Variants in VIPR2 observed in about 807,000 individuals in gnomAD.
The protein encoded by VIPR2 is vasoactive intestinal peptide receptor 2, also known as vasoactive intestinal polypeptide receptor 2.
Under a neutral mutation model 58.0 loss-of-function variants are expected in VIPR2, and 48 were observed. That is an observed-to-expected ratio of 0.83 (90% confidence interval 0.66 to 1.05). The LOEUF (loss-of-function observed/expected upper bound fraction) is 1.05, where lower values mean the gene tolerates loss of function less well. VIPR2 is among the 50% of genes least tolerant of loss of function. The pLI, the probability that VIPR2 is intolerant of heterozygous loss-of-function variation, is 0.00. For missense variants in VIPR2, 534 were observed against 558.0 expected, an observed-to-expected ratio of 0.96 and a Z score of 0.43; for synonymous variants, 243 against 235.2, an observed-to-expected ratio of 1.03 and a Z score of -0.30.
At chr7:159,092,904 C>G (rs1243084084) in intron 4 of VIPR2, among the ~76,000 whole-genome samples, 1 of 152,100 alleles carries the variant, frequency 6.6e-6, no homozygotes, top group Admixed American at 6.5e-5. Context: ...GAGCTGCCAG[C>G]AAGAGCAGCC....
At chr7:159,094,288 C>A (rs991000742) in intron 4 of VIPR2, among the ~76,000 whole-genome samples, 1 of 152,192 alleles carries the variant, frequency 6.6e-6, no homozygotes, top group Admixed American at 6.5e-5. Flanking sequence ...CCCCTTAAAT[C>A]TTGCTGTCTG....
chr7:159,118,194 T>G (rs1257330941), intron 2 of VIPR2, among the ~76,000 whole-genome samples: 2 of 152,130 alleles, frequency 1.3e-5, no homozygotes, highest in Non-Finnish European at 2.9e-5. Flanking sequence ...AGGTGGGTGT[T>G]TAAATACCTT....
At chr7:159,118,447 G>A (rs1300007062) in intron 2 of VIPR2, among the ~76,000 whole-genome samples, 5 of 152,224 alleles carry the variant, frequency 3.3e-5, no homozygotes, top group Non-Finnish European at 7.3e-5. Flanking sequence ...TGATGAGCAA[G>A]ACCAAGGCGG....
intron 3 of VIPR2, among the ~76,000 whole-genome samples, chr7:159,106,625 G>C (rs1172407957): frequency 1.4e-5 from 2 of 141,558 alleles, no homozygotes; most frequent in African/African-American, 2.7e-5. Context: ...GCCGGGAAGG[G>C]GCAGAAAGGC....
At position 159,030,571 on chromosome 7, in the gene VIPR2, C is replaced by A; in HGVS notation, c.*45G>T. The A allele has an allele frequency of 6.7e-7, 1 of 1,493,266 alleles. No homozygotes were observed. Among genetic ancestry groups the A allele is most frequent in the Admixed American group, 2.2e-5 (1 of 45,876 alleles). The allele number at this position is 1,493,266 out of a possible 1,614,324, so 92.5% of individuals were successfully genotyped here. On this transcript the variant is annotated 3_prime_UTR_variant, in exon 13 of 13. Coordinates refer to ENST00000262178, the MANE Select transcript of VIPR2 (RefSeq NM_003382.5). The stretch of plus-strand genomic sequence containing the variant: ...GCCGGCGTCTCAGCCCCGCAGAAGC[C>A]CCGAACCGTGGGCCTCCCGCCGCGT...
rs186693058 is a variant in VIPR2, at chr7:159,056,226, C to A, written c.455+2255G>T. Among the ~76,000 whole-genome samples, 433 of 152,108 alleles carry A rather than the reference C, an allele frequency of 2.8e-3. 3 individuals carry two copies. Among genetic ancestry groups the A allele is most frequent in the African/African-American group, 1.0e-2 (413 of 41,490 alleles). On this transcript the variant is annotated intron_variant, in intron 5 of 12. Transcript: ENST00000262178. ...CCACAGGGGATTGGGTCCAATCCCC[C>A]TCCCCCAATCTTGCCCCCCTTACCC...
chr7:159,046,743 A>T (rs1854675265), intron 5 of VIPR2, among the ~76,000 whole-genome samples: 1 of 152,224 alleles, frequency 6.6e-6, no homozygotes, highest in African/African-American at 2.4e-5. Flanking sequence ...TTTTTAAACA[A>T]TTATGGCCAG....
At chr7:159,132,075 T>C (rs557637859) in intron 2 of VIPR2, among the ~76,000 whole-genome samples, 2 of 151,648 alleles carry the variant, frequency 1.3e-5, no homozygotes, top group Admixed American at 1.3e-4. Context: ...CCCCCTCACA[T>C]TCCTTCAGGG....
intron 3 of VIPR2, among the ~76,000 whole-genome samples, chr7:159,104,359 G>A (rs1563331212): frequency 1.4e-5 from 2 of 138,100 alleles, no homozygotes; most frequent in African/African-American, 5.6e-5. Flanking sequence ...CACTGACGGT[G>A]ACCAGATGCC....
chr7:159,122,019 A>G (rs962242111), intron 2 of VIPR2, among the ~76,000 whole-genome samples: 6 of 152,242 alleles, frequency 3.9e-5, no homozygotes, highest in Non-Finnish European at 8.8e-5. Context: ...GTTGAACCAG[A>G]GCTTACACCA....
At chr7:159,122,663 A>G (rs1796498601) in intron 2 of VIPR2, among the ~76,000 whole-genome samples, 1 of 152,188 alleles carries the variant, frequency 6.6e-6, no homozygotes, top group Admixed American at 6.5e-5. Context: ...CTCTGGAAAG[A>G]CAGCTGCTGA....
chr7:159,062,080 C>T, intron 4 of VIPR2, among the ~76,000 whole-genome samples: 1 of 152,194 alleles, frequency 6.6e-6, no homozygotes, highest in East Asian at 1.9e-4. Flanking sequence ...GGCGGTGTGG[C>T]CATGGGGCGC....
intron 3 of VIPR2, among the ~76,000 whole-genome samples, chr7:159,105,472 A>G (rs1858589537): frequency 6.6e-6 from 1 of 152,234 alleles, no homozygotes; most frequent in African/African-American, 2.4e-5. Context: ...TTGAAGACTC[A>G]GTAGTTTGAG....
intron 2 of VIPR2, among the ~76,000 whole-genome samples, chr7:159,135,378 G>A (rs1392585466): frequency 6.6e-6 from 1 of 152,066 alleles, no homozygotes; most frequent in African/African-American, 2.4e-5. Context: ...GTTGCAGTGA[G>A]CCCAGATCGC....
rs576499141 is a variant in VIPR2, at chr7:159,097,016, G to T, written c.357+6741C>A. ...TTCAGAAAAGCTGCTGCTCTCAGAGGTGATTTGGGGCAGGCCGCTCTGGGG... is the reference window on the plus strand; with the variant it reads ...TTCAGAAAAGCTGCTGCTCTCAGAGTTGATTTGGGGCAGGCCGCTCTGGGG... On this transcript the variant is annotated intron_variant, in intron 4 of 12. Transcript: ENST00000262178. The surrounding 1 kb of genome is among the most constrained non-coding windows in gnomAD (Gnocchi z 5.3). 1 of 1,550,516 alleles carries T rather than the reference G, an allele frequency of 6.4e-7. No homozygotes were observed. Among genetic ancestry groups the T allele is most frequent in the South Asian group, 1.2e-5 (1 of 84,042 alleles).
At chr7:159,091,011 C>A (rs149760809) in intron 4 of VIPR2, among the ~76,000 whole-genome samples, 2 of 114,794 alleles carry the variant, frequency 1.7e-5, no homozygotes, top group African/African-American at 5.7e-5. Flanking sequence ...AGCACAGACA[C>A]GCTGGGACCA....
At position 159,110,697 on chromosome 7, in the gene VIPR2, AAC is replaced by A. The variant is rs1491007094; in HGVS notation, c.152-780_152-779del. ...GCAATGTGCTAGCCTTGGTCGGTAA[AAC>A]AAACAAACAAACAAACAAACAAACA... is the stretch of plus-strand genomic sequence containing the variant. On this transcript the variant is annotated intron_variant, in intron 2 of 12. Coordinates refer to ENST00000262178, the MANE Select transcript of VIPR2 (RefSeq NM_003382.5). 5.6e-5 allele frequency among the ~76,000 whole-genome samples: 5 copies of A among 88,842 alleles called. No individual in the cohort carries two copies. In the East Asian group the frequency reaches 1.4e-3, roughly 25 times the overall value. The allele number at this position is 88,842 out of a possible 152,430, so 58.3% of individuals were successfully genotyped here.
intron 3 of VIPR2, among the ~76,000 whole-genome samples, chr7:159,104,720 C>T (rs944168629): frequency 2.8e-4 from 42 of 149,416 alleles, no homozygotes; most frequent in African/African-American, 7.7e-4. Flanking sequence ...TCACCACCGA[C>T]GGTGACTGGG....
chr7:159,055,778 T>C (rs1855285317), intron 5 of VIPR2, among the ~76,000 whole-genome samples: 3 of 152,344 alleles, frequency 2.0e-5, no homozygotes, highest in Middle Eastern at 3.4e-3. Context: ...ATGCTTTTGG[T>C]CCAGTTAGCA....
Sources: allele counts gnomAD v4.1 joint callset (sites outside exome capture counted in the v4.1 genomes callset), GRCh38; gene constraint gnomAD v4.1.1; non-coding constraint Gnocchi (gnomAD v3.1); transcripts MANE v1.5; gene names NCBI Gene and HGNC (gene_info 2026-07-23, HGNC 2026-07-21).